Variants in MTOR observed in about 807,000 individuals in gnomAD.
The protein encoded by MTOR is mechanistic target of rapamycin kinase, also known as serine/threonine-protein kinase mTOR.
In MTOR, 70 loss-of-function variants were observed where a neutral mutation model predicts 319.8. The observed-to-expected ratio is 0.22, with a 90% CI of 0.18 to 0.27. MTOR has a LOEUF of 0.27. Ranked by LOEUF, MTOR falls within the 10% of genes least tolerant of loss-of-function variation. MTOR has a pLI of 1.00. For synonymous variants in MTOR, 1,183 were observed against 1,211.4 expected (o/e 0.98, Z 0.49); for missense variants, 1,890 against 3,274.4 (o/e 0.58, Z 10.32).
chr1:11,215,452 C>T (rs1336160055), intron 20 of MTOR, among the ~76,000 whole-genome samples: 1 of 152,150 alleles, frequency 6.6e-6, no homozygotes, highest in Non-Finnish European at 1.5e-5. Flanking sequence ...ATAGTCCAGC[C>T]ATTTTGATTT....
Position 11,256,891 on chromosome 1 carries a change from C to T in MTOR, c.504+42G>A, listed in dbSNP as rs372619282. 6.1e-5 allele frequency: 97 copies of T among 1,581,544 alleles called. No homozygotes were observed. The African/African-American group carries it at 1.0e-3, about 16-fold the overall frequency. On this transcript the variant is annotated intron_variant, in intron 4 of 57. Transcript: ENST00000361445. ...GCAAAAGACCCCCCCATGACACCAT[C>T]GTTCCCCAAGCCTGGCTGTGCTCCT... is the stretch of plus-strand genomic sequence containing the variant.
intron 29 of MTOR, among the ~76,000 whole-genome samples, chr1:11,160,194 A>G (rs1000260530): frequency 2.6e-5 from 4 of 151,968 alleles, no homozygotes; most frequent in Non-Finnish European, 4.4e-5. Context: ...TCTGCCTCCC[A>G]GGTTCAAGCG....
chr1:11,261,459 G>T (rs1651126590), intron 1 of MTOR, among the ~76,000 whole-genome samples: 1 of 151,904 alleles, frequency 6.6e-6, no homozygotes, highest in Non-Finnish European at 1.5e-5. Flanking sequence ...GCGACAGAGC[G>T]AAACTCCGTC....
chr1:11,237,939 C>T lies in MTOR; in HGVS notation c.2112G>A (p.Val704=). 1 of 1,614,200 alleles carries T rather than the reference C, an allele frequency of 6.2e-7. No homozygotes were observed. The highest frequency in any genetic ancestry group is 8.5e-7 in the Non-Finnish European group (1 of 1,180,044). The change falls in exon 13 of 58, where the codon GTG becomes GTA. Residue 704 remains valine (V), a synonymous_variant. Transcript: ENST00000361445. ...AGATGGCCAGCTCCCGGATCTCAAACACCTGGTCATTCAGAGCCACAAACA... is the reference window on the plus strand; with the variant it reads ...AGATGGCCAGCTCCCGGATCTCAAATACCTGGTCATTCAGAGCCACAAACA... ...QALFVALNDQ[V]FEIRELAICT...
chr1:11,219,213 C>CA (rs769135094), intron 19 of MTOR, among the ~76,000 whole-genome samples: 1,776 of 116,606 alleles, frequency 0.015, 15 homozygotes, highest in Middle Eastern at 0.022. Context: ...GACCCTGTTT[C>CA]AAAAAAAAAA....
chr1:11,217,368 C>T lies in MTOR; in HGVS notation c.3031-1134G>A, dbSNP rs1646503629. On this transcript the variant is annotated intron_variant, in intron 19 of 57. Coordinates refer to ENST00000361445, the MANE Select transcript of MTOR (RefSeq NM_004958.4). ...AGTATTACACGCCAGTAATAAGTAG[C>T]AAATAATATTTGACACCCCTTCCCC... Among the ~76,000 whole-genome samples the T allele has an allele frequency of 1.3e-5, 2 of 151,656 alleles. 1 individual carries two copies. The highest frequency in any genetic ancestry group is 2.9e-5 in the Non-Finnish European group (2 of 67,956).
At chr1:11,230,818 A>G (rs1646990699) in intron 18 of MTOR, 107 bp downstream of exon 18, 2 of 1,484,412 alleles carry the variant, frequency 1.3e-6, no homozygotes, top group African/African-American at 1.4e-5. Context: ...ACACGAGCCA[A>G]TATCCTATAA....
At chr1:11,259,930 A>C (rs549542581) in intron 1 of MTOR, among the ~76,000 whole-genome samples, 8 of 152,170 alleles carry the variant, frequency 5.3e-5, no homozygotes, top group Non-Finnish European at 8.8e-5. Flanking sequence ...AAACAAAAAC[A>C]AGGTTATATA....
At chr1:11,141,714 C>T (rs1321659561) in intron 34 of MTOR, among the ~76,000 whole-genome samples, 2 of 147,978 alleles carry the variant, frequency 1.4e-5, no homozygotes, top group South Asian at 2.2e-4. Context: ...AGGCGGGGCA[C>T]GGTGGCTCAT....
At chr1:11,195,164 A>G in intron 28 of MTOR, 1 of 953,262 alleles carries the variant, frequency 1.0e-6, no homozygotes, top group Non-Finnish European at 1.5e-6. Flanking sequence ...TAAGTCTCCA[A>G]GGAGCACAAA....
rs780460152 is a variant in MTOR, at chr1:11,231,072, G to C, written c.2650-18C>G. On this transcript the variant is annotated intron_variant, in intron 17 of 57. Coordinates refer to ENST00000361445, the MANE Select transcript of MTOR (RefSeq NM_004958.4). ...CGGATGGCCTGCGTGGGAAAGGGGA[G>C]GGAAAAAAGAAAACATTCATCACAA... 1.2e-5 allele frequency: 20 copies of C among 1,613,212 alleles called. No individual in the cohort carries two copies. Among genetic ancestry groups the C allele is most frequent in the Non-Finnish European group, 1.7e-5 (20 of 1,179,768 alleles).
At chr1:11,171,571 AAT>A (rs1644815695) in intron 28 of MTOR, among the ~76,000 whole-genome samples, 1 of 152,116 alleles carries the variant, frequency 6.6e-6, no homozygotes, top group Non-Finnish European at 1.5e-5. Flanking sequence ...GTGCATAAAA[AAT>A]GAGTTTTACA....
chr1:11,164,353 AAGAG>A (rs1283223876), intron 29 of MTOR, among the ~76,000 whole-genome samples: 51 of 145,682 alleles, frequency 3.5e-4, no homozygotes, highest in Admixed American at 9.1e-4. Context: ...AAAAAAAAAA[AAGAG>A]AGAGAGAGAG....
intron 25 of MTOR, among the ~76,000 whole-genome samples, chr1:11,205,625 G>GT (rs1478665503): frequency 6.6e-6 from 1 of 152,206 alleles, no homozygotes; most frequent in Non-Finnish European, 1.5e-5. Context: ...CAAATTACTT[G>GT]TATTTTGCAG....
intron 54 of MTOR, chr1:11,111,799 G>A (rs949516249): frequency 6.6e-6 from 1 of 152,004 alleles, no homozygotes; most frequent in Non-Finnish European, 1.5e-5. Flanking sequence ...TAAGTGCTCT[G>A]TAAACATTTG....
rs748260784 is a variant in MTOR, at chr1:11,259,284, C to T, written c.126G>A (p.Lys42=). The change falls in exon 2 of 58, where the codon AAG becomes AAA. Residue 42 remains lysine, a synonymous_variant. Coordinates refer to ENST00000361445, the MANE Select transcript of MTOR (RefSeq NM_004958.4). ...CCATGGTGACATAGTGCTGGAGCTCCTTGGCGGCTTTGGCCCTGGTTTCCT... is the reference window on the plus strand; with the variant it reads ...CCATGGTGACATAGTGCTGGAGCTCTTTGGCGGCTTTGGCCCTGGTTTCCT... The part of the protein sequence containing the change: ...RNEETRAKAA[K]ELQHYVTMEL... The T allele has an allele frequency of 1.2e-6, 2 of 1,614,014 alleles. No homozygotes were observed. Among genetic ancestry groups the T allele is most frequent in the Non-Finnish European group, 1.7e-6 (2 of 1,179,954 alleles).
intron 8 of MTOR, among the ~76,000 whole-genome samples, chr1:11,244,667 C>T (rs1220611367): frequency 1.3e-5 from 2 of 152,168 alleles, no homozygotes; most frequent in Non-Finnish European, 2.9e-5. Flanking sequence ...ACAGTACAGT[C>T]GTGTGCCACT....
rs2100331973 is a variant in MTOR, at chr1:11,117,097, G to C, written c.6934-11C>G. On this transcript the variant is annotated splice_polypyrimidine_tract_variant and intron_variant, in intron 49 of 57. Transcript: ENST00000361445. ...TCGGTCAAACCACACCTAGAACACAGGAGTGCATGTGAACTACGGTTCTGG... is the reference window on the plus strand; with the variant it reads ...TCGGTCAAACCACACCTAGAACACACGAGTGCATGTGAACTACGGTTCTGG... 2 of 1,595,496 alleles carry C rather than the reference G, an allele frequency of 1.3e-6. No homozygotes were observed. Among genetic ancestry groups the C allele is most frequent in the Non-Finnish European group, 1.7e-6 (2 of 1,171,810 alleles).
At position 11,259,260 on chromosome 1, in the gene MTOR, C is replaced by A; in HGVS notation, c.150G>T (p.Met50Ile). The A allele has an allele frequency of 6.2e-7, 1 of 1,613,834 alleles. No homozygotes were observed. The highest frequency in any genetic ancestry group is 8.5e-7 in the Non-Finnish European group (1 of 1,179,874). The change falls in exon 2 of 58, where the codon ATG (methionine) becomes ATT (isoleucine). Residue 50 changes from methionine (M) to isoleucine (I), a missense_variant. Around this residue, in one of 15 missense-constraint regions of MTOR, gnomAD observed 85 missense variants for 105.8 expected, o/e 0.80. Transcript: ENST00000361445. ...AAKELQHYVT[M>I]ELREMSQEES... Reference sequence around the variant, plus strand: ...ATCCCAGAAGCACCTCTCGGAGTTCCATGGTGACATAGTGCTGGAGCTCCT... The same window carrying A: ...ATCCCAGAAGCACCTCTCGGAGTTCAATGGTGACATAGTGCTGGAGCTCCT...
Sources: allele counts gnomAD v4.1 joint callset (sites outside exome capture counted in the v4.1 genomes callset), GRCh38; gene constraint gnomAD v4.1.1; regional missense constraint gnomAD v4.1.1; transcripts MANE v1.5; gene names NCBI Gene and HGNC (gene_info 2026-07-23, HGNC 2026-07-21).